Variants in C8orf34 observed in about 807,000 individuals in gnomAD.
The protein encoded by C8orf34 is chromosome 8 open reading frame 34.
A neutral mutation model predicts 68.3 loss-of-function variants in C8orf34; 65 were observed. That is an observed-to-expected ratio of 0.95 (90% confidence interval 0.78 to 1.17). The LOEUF (loss-of-function observed/expected upper bound fraction) is 1.17. C8orf34 is among the 50% of genes most tolerant of loss of function. C8orf34 has a pLI of 0.00. For synonymous variants in C8orf34, 244 were observed against 241.2 expected (o/e 1.01, Z -0.11); for missense variants, 664 against 655.4 (o/e 1.01, Z -0.14).
intron 8 of C8orf34, among the ~76,000 whole-genome samples, chr8:68,643,520 C>T (rs139320849): frequency 6.6e-6 from 1 of 152,272 alleles, no homozygotes; most frequent in East Asian, 1.9e-4. Context: ...TCTCCCACTT[C>T]AGGAGACTGA....
intron 3 of C8orf34, among the ~76,000 whole-genome samples, chr8:68,449,500 T>A (rs1811256785): frequency 6.6e-6 from 1 of 152,096 alleles, no homozygotes. Context: ...CTATTCTGGA[T>A]ACTGGCATAA....
chr8:68,406,509 G>A (rs996761231), intron 1 of C8orf34, among the ~76,000 whole-genome samples: 2 of 149,478 alleles, frequency 1.3e-5, no homozygotes, highest in Admixed American at 1.3e-4. Context: ...TATTATTATT[G>A]AGAGAGAGAG....
rs554846530 is a variant in C8orf34 at position 68,639,494 on chromosome 8, T to C, written c.1106-882T>C. ...TTTTTTGAGGTATCTAGGATGTTTT[T>C]ATGATCTTTAGTCATCAGAAGATGG... On this transcript the variant is annotated intron_variant, in intron 7 of 13. Transcript: ENST00000518698. Among the ~76,000 whole-genome samples, 3 of 152,208 alleles carry C rather than the reference T, an allele frequency of 2.0e-5. No individual in the cohort carries two copies. In the South Asian group the frequency reaches 6.2e-4, roughly 32 times the overall value.
intron 1 of C8orf34, among the ~76,000 whole-genome samples, chr8:68,397,667 G>A (rs1195153010): frequency 6.6e-6 from 1 of 152,136 alleles, no homozygotes; most frequent in Non-Finnish European, 1.5e-5. Flanking sequence ...TCATTTTAGA[G>A]TGGCTAGATT....
At chr8:68,396,226 G>A (rs1208647585) in intron 1 of C8orf34, among the ~76,000 whole-genome samples, 1 of 151,838 alleles carries the variant, frequency 6.6e-6, no homozygotes, top group Non-Finnish European at 1.5e-5. Flanking sequence ...TTTGACATAC[G>A]ATTTTAAAAA....
intron 1 of C8orf34, among the ~76,000 whole-genome samples, chr8:68,359,654 CTT>C (rs1258608940): frequency 2.0e-5 from 3 of 152,122 alleles, no homozygotes; most frequent in Non-Finnish European, 4.4e-5. Context: ...ACCCCTCTCT[CTT>C]TTTAAGGCTC....
intron 10 of C8orf34, among the ~76,000 whole-genome samples, chr8:68,747,606 A>G (rs372456279): frequency 4.6e-5 from 7 of 151,740 alleles, no homozygotes; most frequent in African/African-American, 1.7e-4. Context: ...CAAACAGAGA[A>G]CCAAATTATG....
chr8:68,620,579 G>C lies in C8orf34; in HGVS notation c.1106-19797G>C, dbSNP rs550112859. On this transcript the variant is annotated intron_variant, in intron 7 of 13. Coordinates refer to ENST00000518698, the MANE Select transcript of C8orf34 (RefSeq NM_052958.4). ...TCCCCTTACAGCCAGATGCCACCTAGAGTGGCAAGAAGGAAAAATGAAACT... is the reference window on the plus strand; with the variant it reads ...TCCCCTTACAGCCAGATGCCACCTACAGTGGCAAGAAGGAAAAATGAAACT... Among the ~76,000 whole-genome samples, 5 of 151,808 alleles carry C rather than the reference G, an allele frequency of 3.3e-5. No individual in the cohort carries two copies. In the South Asian group the frequency reaches 1.0e-3, roughly 32 times the overall value.
chr8:68,448,589 A>G (rs938030329), intron 3 of C8orf34, among the ~76,000 whole-genome samples: 2 of 152,134 alleles, frequency 1.3e-5, no homozygotes, highest in Admixed American at 6.6e-5. Flanking sequence ...TGAAAAAAGT[A>G]TTCATCCTCA....
chr8:68,351,100 T>G (rs1035248099), intron 1 of C8orf34, among the ~76,000 whole-genome samples: 4 of 152,052 alleles, frequency 2.6e-5, no homozygotes, highest in Non-Finnish European at 5.9e-5. Flanking sequence ...CTGGTAGCAG[T>G]CTTTTCTTTC....
chr8:68,811,963 C>G (rs1438029954), intron 12 of C8orf34, among the ~76,000 whole-genome samples: 2 of 152,116 alleles, frequency 1.3e-5, no homozygotes. Flanking sequence ...CTAAATAATC[C>G]TTTCAGGGTG....
intron 1 of C8orf34, among the ~76,000 whole-genome samples, chr8:68,368,639 T>G (rs1362141936): frequency 6.6e-6 from 1 of 152,146 alleles, no homozygotes; most frequent in Non-Finnish European, 1.5e-5. Context: ...TTTTCTTCTC[T>G]CAATAGTTGG....
intron 8 of C8orf34, among the ~76,000 whole-genome samples, chr8:68,690,609 A>G (rs777841668): frequency 6.6e-6 from 1 of 151,994 alleles, no homozygotes; most frequent in African/African-American, 2.4e-5. Context: ...AAGGTCACTG[A>G]ACTCATGTAT....
At chr8:68,618,768 G>A (rs1200409688) in intron 7 of C8orf34, among the ~76,000 whole-genome samples, 3 of 152,304 alleles carry the variant, frequency 2.0e-5, no homozygotes, top group Non-Finnish European at 4.4e-5. Flanking sequence ...AAACTAGTGA[G>A]AGTTCAAATG....
intron 9 of C8orf34, among the ~76,000 whole-genome samples, chr8:68,718,485 A>G (rs1821540414): frequency 6.6e-6 from 1 of 152,166 alleles, no homozygotes; most frequent in East Asian, 1.9e-4. Context: ...TTCACATTCA[A>G]TTATTAGTAT....
chr8:68,359,026 CAAGT>C (rs1342442618), intron 1 of C8orf34, among the ~76,000 whole-genome samples: 7 of 152,062 alleles, frequency 4.6e-5, no homozygotes, highest in Non-Finnish European at 8.8e-5. Context: ...AAAAAATTGA[CAAGT>C]AAAAATTATA....
At chr8:68,639,450 C>T (rs142672697) in intron 7 of C8orf34, among the ~76,000 whole-genome samples, 72 of 151,970 alleles carry the variant, frequency 4.7e-4, no homozygotes, top group African/African-American at 1.5e-3. Context: ...CCAATTAAAA[C>T]GTGCAATCCT....
intron 12 of C8orf34, among the ~76,000 whole-genome samples, chr8:68,798,934 A>G (rs897399073): frequency 1.3e-5 from 2 of 152,226 alleles, no homozygotes; most frequent in Non-Finnish European, 2.9e-5. Flanking sequence ...TTGCTCAACA[A>G]TATATAAGGT....
chr8:68,812,811 C>CA, intron 12 of C8orf34, among the ~76,000 whole-genome samples: 1 of 152,134 alleles, frequency 6.6e-6, no homozygotes, highest in East Asian at 1.9e-4. Flanking sequence ...GGCCACACCT[C>CA]AGTCTCTATC....
Sources: allele counts gnomAD v4.1 joint callset (sites outside exome capture counted in the v4.1 genomes callset), GRCh38; gene constraint gnomAD v4.1.1; transcripts MANE v1.5; gene names NCBI Gene and HGNC (gene_info 2026-07-23, HGNC 2026-07-21).